Variants in MPPED1 observed in about 807,000 individuals in gnomAD.
MPPED1 encodes the protein metallophosphoesterase domain-containing protein 1.
MPPED1 carries 16 observed loss-of-function variants against 36.2 expected under a neutral mutation model. The observed-to-expected ratio is 0.44, with a 90% CI of 0.30 to 0.67. The LOEUF (loss-of-function observed/expected upper bound fraction) is 0.67. Ranked by LOEUF, MPPED1 falls within the 30% of genes least tolerant of loss-of-function variation. The pLI, the probability that MPPED1 is intolerant of heterozygous loss-of-function variation, is 0.10. For missense variants in MPPED1, 307 were observed against 453.4 expected, an observed-to-expected ratio of 0.68 and a Z score of 2.93; for synonymous variants, 199 against 191.3, an observed-to-expected ratio of 1.04 and a Z score of -0.33.
intron 1 of MPPED1, among the ~76,000 whole-genome samples, chr22:43,422,640 C>T (rs764082584): frequency 2.0e-5 from 3 of 152,244 alleles, no homozygotes; most frequent in Non-Finnish European, 2.9e-5. Flanking sequence ...TTGACACCCT[C>T]GTACCAAGGG....
intron 2 of MPPED1, among the ~76,000 whole-genome samples, chr22:43,426,095 C>T (rs554550053): frequency 2.6e-5 from 4 of 152,170 alleles, no homozygotes; most frequent in Non-Finnish European, 5.9e-5. Flanking sequence ...CCCTGCACGA[C>T]AGAGCTTACC....
rs191716662 is a variant in MPPED1, at chr22:43,445,593, C to G, written c.406+10378C>G. 1.5e-3 allele frequency among the ~76,000 whole-genome samples: 217 copies of G among 143,148 alleles called. 2 individuals are homozygous for G. The highest frequency in any genetic ancestry group is 1.0e-3 in the Non-Finnish European group (69 of 66,652). 93.9% of individuals were successfully genotyped at this position (143,148 alleles called of 152,430 possible). A position where few individuals can be genotyped will look rare whatever the true frequency, so the allele number is the denominator to read the frequency against. On this transcript the variant is annotated intron_variant, in intron 3 of 6. Transcript: ENST00000443721. Reference sequence around the variant, plus strand: ...TTTTTTTTTTGCAGACAGGATCTCACTCTGTTGCCCAGTCTGGAGTGCGGT... The same window carrying G: ...TTTTTTTTTTGCAGACAGGATCTCAGTCTGTTGCCCAGTCTGGAGTGCGGT...
chr22:43,497,071 G>GGTAGTGGTGGTGGAA (rs1366785818), intron 4 of MPPED1, among the ~76,000 whole-genome samples: 1 of 146,476 alleles, frequency 6.8e-6, no homozygotes, highest in Non-Finnish European at 1.5e-5. Context: ...TGGTGGTGGA[G>GGTAGTGGTGGTGGAA]GTGGTGGTGG....
chr22:43,441,266 T>A (rs1291141300), intron 3 of MPPED1, among the ~76,000 whole-genome samples: 1 of 152,170 alleles, frequency 6.6e-6, no homozygotes, highest in Non-Finnish European at 1.5e-5. Context: ...CTATGTCCCC[T>A]CTCCTTTCCC....
Position 43,412,153 on chromosome 22 carries a change from G to A in MPPED1, c.-84G>A. 1.0e-6 allele frequency: 1 copy of A among 980,050 alleles called. No individual in the cohort carries two copies. The highest frequency in any genetic ancestry group is 1.2e-6 in the Non-Finnish European group (1 of 827,684). 60.7% of individuals were successfully genotyped at this position (980,050 alleles called of 1,614,324 possible). On this transcript the variant is annotated 5_prime_UTR_variant, in exon 1 of 7. Transcript: ENST00000443721. ...CCGCGGCCGCCGAAGAGGAGCCCGGGGCCAGGTAGGACCGGAGGCGGGCGG... is the reference window on the plus strand; with the variant it reads ...CCGCGGCCGCCGAAGAGGAGCCCGGAGCCAGGTAGGACCGGAGGCGGGCGG...
chr22:43,477,781 G>A (rs1225122559), intron 4 of MPPED1, among the ~76,000 whole-genome samples: 1 of 152,204 alleles, frequency 6.6e-6, no homozygotes, highest in Non-Finnish European at 1.5e-5. Context: ...TTTGGGTACT[G>A]GAGGCTGTTC....
chr22:43,412,123 AGCCGCCGCG>A lies in MPPED1; in HGVS notation c.-106_-98del. 1.0e-6 allele frequency: 1 copy of A among 978,176 alleles called. No individual in the cohort carries two copies. The highest frequency in any genetic ancestry group is 1.2e-6 in the Non-Finnish European group (1 of 827,240). The allele number at this position is 978,176 out of a possible 1,614,324, so 60.6% of individuals were successfully genotyped here. ...TCCCTCGGTGCGCGCTGCTGCTCGC[AGCCGCCGCG>A]GCCGCCGAAGAGGAGCCCGGGGCCA... On this transcript the variant is annotated 5_prime_UTR_variant, in exon 1 of 7. Transcript: ENST00000443721.
In MPPED1 at chr22:43,476,907, G is replaced by A. The variant is rs184623429; in HGVS notation, c.632+1946G>A. On this transcript the variant is annotated intron_variant, in intron 4 of 6. Coordinates refer to ENST00000443721, the MANE Select transcript of MPPED1 (RefSeq NM_001044370.2). ...TGATAGGCCAAAAACCAGGAGGGCC[G>A]TCTAGAAGGAGGACCCAGCAAGCTT... Among the ~76,000 whole-genome samples, 246 of 152,218 alleles carry A rather than the reference G, an allele frequency of 1.6e-3. 1 individual carries two copies. The highest frequency in any genetic ancestry group is 5.3e-3 in the African/African-American group (222 of 41,534).
intron 4 of MPPED1, among the ~76,000 whole-genome samples, chr22:43,484,103 C>T (rs1931835896): frequency 6.6e-6 from 1 of 152,262 alleles, no homozygotes; most frequent in Non-Finnish European, 1.5e-5. Flanking sequence ...TCACCTGGTG[C>T]AGTGCTGCTT....
intron 2 of MPPED1, among the ~76,000 whole-genome samples, chr22:43,425,915 T>C (rs968298356): frequency 6.6e-6 from 1 of 152,208 alleles, no homozygotes; most frequent in African/African-American, 2.4e-5. Flanking sequence ...CTTGTCCTGA[T>C]GCCTGTGTGC....
At chr22:43,481,860 T>C (rs1474307239) in intron 4 of MPPED1, among the ~76,000 whole-genome samples, 2 of 152,300 alleles carry the variant, frequency 1.3e-5, no homozygotes, top group East Asian at 3.9e-4. Flanking sequence ...TCATCACTAA[T>C]GGGGGCAGGG....
chr22:43,465,919 C>T (rs745748669), intron 3 of MPPED1, among the ~76,000 whole-genome samples: 1 of 152,158 alleles, frequency 6.6e-6, no homozygotes, highest in Non-Finnish European at 1.5e-5. Context: ...CCCTTTTGTG[C>T]ACATCTCTGG....
intron 2 of MPPED1, among the ~76,000 whole-genome samples, chr22:43,432,198 G>T (rs567950272): frequency 1.1e-5 from 1 of 89,374 alleles, no homozygotes; most frequent in African/African-American, 3.9e-5. Context: ...AAACCTCAGA[G>T]GCACACAGAG....
At chr22:43,473,281 G>C (rs1461104552) in intron 3 of MPPED1, among the ~76,000 whole-genome samples, 1 of 152,144 alleles carries the variant, frequency 6.6e-6, no homozygotes, top group Non-Finnish European at 1.5e-5. Flanking sequence ...ATTGGAGCCT[G>C]ATGGCCAGAC....
chr22:43,447,139 G>C (rs1013644377), intron 3 of MPPED1, among the ~76,000 whole-genome samples: 2 of 152,130 alleles, frequency 1.3e-5, no homozygotes, highest in African/African-American at 4.8e-5. Flanking sequence ...GCTGTGCCAG[G>C]TTCCCTCGTG....
chr22:43,421,517 C>T (rs919436123), intron 1 of MPPED1, among the ~76,000 whole-genome samples: 2 of 152,202 alleles, frequency 1.3e-5, no homozygotes, highest in African/African-American at 4.8e-5. Flanking sequence ...CCCCTGGAAC[C>T]CCTTTTCACA....
At chr22:43,421,793 C>T (rs901609151) in intron 1 of MPPED1, among the ~76,000 whole-genome samples, 1 of 152,164 alleles carries the variant, frequency 6.6e-6, no homozygotes, top group Non-Finnish European at 1.5e-5. Flanking sequence ...TGTGATAGGC[C>T]GTGGGGTGAT....
intron 3 of MPPED1, among the ~76,000 whole-genome samples, chr22:43,465,517 C>T (rs7289011): frequency 0.049 from 7,394 of 152,232 alleles, 452 homozygotes; most frequent in African/African-American, 0.15. Flanking sequence ...GGCGGTAGAG[C>T]GCTGAACAAG....
rs981855193 is a variant in MPPED1, at chr22:43,507,564, C to G, written c.*1948C>G. On this transcript the variant is annotated 3_prime_UTR_variant, in exon 7 of 7. Transcript: ENST00000443721. ...GGACATGTGTGCGGGTGGAGAAAAG[C>G]AGGCCCTTTCAGTGCCAGCTCCACT... 1 of 152,188 alleles carries G rather than the reference C, an allele frequency of 6.6e-6. No individual in the cohort carries two copies. Among genetic ancestry groups the G allele is most frequent in the Admixed American group, 6.5e-5 (1 of 15,282 alleles). The allele number at this position is 152,188 out of a possible 1,614,324, so 9.4% of individuals were successfully genotyped here. A position where few individuals can be genotyped will look rare whatever the true frequency, so the allele number is the denominator to read the frequency against.
Sources: allele counts gnomAD v4.1 joint callset (sites outside exome capture counted in the v4.1 genomes callset), GRCh38; gene constraint gnomAD v4.1.1; transcripts MANE v1.5; gene names NCBI Gene and HGNC (gene_info 2026-07-23, HGNC 2026-07-21).